SLC23A2: variants seen among roughly 807,000 people sequenced by gnomAD.
The protein encoded by SLC23A2 is Na(+)/L-ascorbic acid transporter 2.
In SLC23A2, 36 loss-of-function variants were observed where a neutral mutation model predicts 73.3. That is an observed-to-expected ratio of 0.49 (90% CI 0.38 to 0.65). The LOEUF (loss-of-function observed/expected upper bound fraction) is 0.65. SLC23A2 is among the 30% of genes least tolerant of loss of function. SLC23A2 has a pLI of 0.00. For missense variants in SLC23A2, 507 were observed against 841.6 expected (o/e 0.60, Z 4.92); for synonymous variants, 343 against 327.3 (o/e 1.05, Z -0.52).
chr20:4,939,414 T>C (rs2087008246), intron 2 of SLC23A2, among the ~76,000 whole-genome samples: 1 of 152,130 alleles, frequency 6.6e-6, no homozygotes, highest in Non-Finnish European at 1.5e-5. Flanking sequence ...CCAAGAAAGA[T>C]GAGGGAAGTA....
intron 6 of SLC23A2, among the ~76,000 whole-genome samples, chr20:4,894,618 C>T (rs1346039194): frequency 6.6e-6 from 1 of 152,178 alleles, no homozygotes; most frequent in Non-Finnish European, 1.5e-5. Context: ...GCCTGCTGAC[C>T]TGGGTAGTTC....
intron 3 of SLC23A2, among the ~76,000 whole-genome samples, chr20:4,926,253 G>A (rs542549343): frequency 6.6e-6 from 1 of 152,272 alleles, no homozygotes; most frequent in Non-Finnish European, 1.5e-5. Flanking sequence ...TTCTCACAAA[G>A]GCTGTTAAAA....
chr20:4,921,145 A>T (rs1932488981), intron 3 of SLC23A2, among the ~76,000 whole-genome samples: 1 of 152,236 alleles, frequency 6.6e-6, no homozygotes, highest in Non-Finnish European at 1.5e-5. Flanking sequence ...AGTTAGATCC[A>T]TGATTTGCTA....
chr20:4,937,446 T>C (rs2086977416), intron 2 of SLC23A2, among the ~76,000 whole-genome samples: 1 of 152,194 alleles, frequency 6.6e-6, no homozygotes, highest in South Asian at 2.1e-4. Context: ...TAGAAGATCA[T>C]GATGGCGACA....
At chr20:4,876,233 G>A (rs1446192335) in intron 9 of SLC23A2, among the ~76,000 whole-genome samples, 2 of 152,192 alleles carry the variant, frequency 1.3e-5, no homozygotes, top group Non-Finnish European at 2.9e-5. Context: ...GTTTCAGAGT[G>A]AATATTAGGA....
chr20:4,932,325 T>C, intron 3 of SLC23A2, 130 bp downstream of exon 3: 1 of 670,104 alleles, frequency 1.5e-6, no homozygotes, highest in South Asian at 1.7e-5. Flanking sequence ...CTATCTCACA[T>C]ATAAAGTATT....
At chr20:4,913,311 C>A (rs962518990) in intron 3 of SLC23A2, among the ~76,000 whole-genome samples, 1 of 152,084 alleles carries the variant, frequency 6.6e-6, no homozygotes, top group Non-Finnish European at 1.5e-5. Context: ...CCCACATAAC[C>A]ACCTGAGGCC....
In SLC23A2 at chr20:4,863,514, C is replaced by T. The variant is rs893249722; in HGVS notation, c.1357-607G>A. 5.3e-5 allele frequency among the ~76,000 whole-genome samples: 8 copies of T among 152,192 alleles called. No individual in the cohort carries two copies. Among genetic ancestry groups the T allele is most frequent in the Admixed American group, 2.0e-4 (3 of 15,288 alleles). ...TCGTGGTTTTGTTTTGAGGATTAAA[C>T]GGGACCTGCATAAAACTGCCTGAAT... On this transcript the variant is annotated intron_variant, in intron 13 of 16. Coordinates refer to ENST00000338244, the MANE Select transcript of SLC23A2 (RefSeq NM_005116.6). The surrounding 1 kb of genome is among the most constrained non-coding windows in gnomAD (Gnocchi z 4.8).
intron 2 of SLC23A2, among the ~76,000 whole-genome samples, chr20:4,940,824 G>A (rs2087028727): frequency 2.0e-5 from 3 of 152,168 alleles, no homozygotes; most frequent in South Asian, 4.2e-4. Flanking sequence ...CCAGGGACTT[G>A]GGGGGGCGGT....
intron 3 of SLC23A2, among the ~76,000 whole-genome samples, chr20:4,916,087 T>G (rs148424407): frequency 7.8e-4 from 119 of 152,342 alleles, no homozygotes; most frequent in African/African-American, 2.8e-3. Context: ...TCAAACATGT[T>G]ATAGTTTTTT....
intron 2 of SLC23A2, among the ~76,000 whole-genome samples, chr20:4,934,392 A>G (rs997486453): frequency 6.6e-6 from 1 of 152,112 alleles, no homozygotes; most frequent in Non-Finnish European, 1.5e-5. Context: ...AGATTGAGAA[A>G]TCTTCATTTA....
At chr20:4,888,206 T>C (rs1458144909) in intron 6 of SLC23A2, among the ~76,000 whole-genome samples, 1 of 152,188 alleles carries the variant, frequency 6.6e-6, no homozygotes, top group Non-Finnish European at 1.5e-5. Context: ...GGGCCAAACC[T>C]GGGGTGCTAC....
intron 1 of SLC23A2, among the ~76,000 whole-genome samples, chr20:4,991,265 C>A (rs1014368903): frequency 2.2e-4 from 34 of 151,966 alleles, no homozygotes; most frequent in Non-Finnish European, 2.4e-4. Context: ...TGCACACCAC[C>A]ACGCCAGGCC....
intron 1 of SLC23A2, among the ~76,000 whole-genome samples, chr20:4,977,391 TAA>T (rs2087659292): frequency 6.6e-6 from 1 of 152,006 alleles, no homozygotes. Context: ...TTTTTTTTAA[TAA>T]AGACAAGCTC....
intron 2 of SLC23A2, among the ~76,000 whole-genome samples, chr20:4,956,234 G>A (rs2087286348): frequency 1.3e-5 from 2 of 152,038 alleles, no homozygotes; most frequent in South Asian, 4.1e-4. Flanking sequence ...TGTCTTTCCA[G>A]ATAAATGTTA....
chr20:4,858,534 T>TA (rs397948722), intron 16 of SLC23A2, among the ~76,000 whole-genome samples: 5 of 152,004 alleles, frequency 3.3e-5, no homozygotes, highest in Admixed American at 3.3e-4. Context: ...TGAGGTTTTT[T>TA]ATTTTTTTTG....
intron 12 of SLC23A2, chr20:4,869,486 C>A (rs1539516): frequency 0.16 from 23,327 of 148,058 alleles, 1,915 homozygotes; most frequent in Admixed American, 0.22. Flanking sequence ...CTCTCTCTCT[C>A]TATATATATA....
At chr20:4,932,312 A>G (rs1932798778) in intron 3 of SLC23A2, 143 bp downstream of exon 3, 4 of 639,444 alleles carry the variant, frequency 6.3e-6, no homozygotes, top group Non-Finnish European at 1.1e-5. Context: ...GTTAGCCCAA[A>G]GACTATCTCA....
At chr20:4,908,743 CATGGCA>C (rs1932041894) in intron 4 of SLC23A2, among the ~76,000 whole-genome samples, 1 of 152,118 alleles carries the variant, frequency 6.6e-6, no homozygotes, top group Non-Finnish European at 1.5e-5. Context: ...GCCTGGTCAA[CATGGCA>C]AAACCCCGTC....
Sources: gnomAD v4.1 joint callset for allele counts (sites outside exome capture counted in the v4.1 genomes callset) on GRCh38, gnomAD v4.1.1 for gene constraint, Gnocchi (gnomAD v3.1) non-coding constraint, MANE v1.5 for transcripts, NCBI Gene and HGNC (gene_info 2026-07-23, HGNC 2026-07-21) for gene names.